The following RANBP2 variants were observed in gnomAD, a reference collection of about 807,000 sequenced individuals.
The protein encoded by RANBP2 is E3 SUMO-protein ligase RanBP2.
Under a neutral mutation model 303.6 loss-of-function variants are expected in RANBP2, and 57 were observed. The observed-to-expected ratio is 0.19, with a 90% CI of 0.15 to 0.23. The LOEUF (loss-of-function observed/expected upper bound fraction) is 0.23, where lower values mean the gene tolerates loss of function less well. RANBP2 is among the 10% of genes least tolerant of loss of function. The probability of loss-of-function intolerance (pLI) is 1.00; values close to 1 mark genes in which losing one functional copy is unlikely to be tolerated. For missense variants in RANBP2, 3,138 were observed against 3,780.8 expected (o/e 0.83, Z 4.46); for synonymous variants, 1,167 against 1,301.5 (o/e 0.90, Z 2.23).
chr2:109,151,576 A>G, the RANBP2 span, among the ~76,000 whole-genome samples: 1 of 152,268 alleles, frequency 6.6e-6, no homozygotes, highest in African/African-American at 2.4e-5. Flanking sequence ...GCATGTAGTT[A>G]CTATGAAAAC....
At chr2:109,573,103 C>G in the RANBP2 span, among the ~76,000 whole-genome samples, 1 of 152,122 alleles carries the variant, frequency 6.6e-6, no homozygotes, top group Non-Finnish European at 1.5e-5. Flanking sequence ...ATTTGCTAAA[C>G]CCTCTATTTA....
At chr2:109,578,047 A>T in the RANBP2 span, among the ~76,000 whole-genome samples, 5 of 152,124 alleles carry the variant, frequency 3.3e-5, no homozygotes, top group Non-Finnish European at 7.3e-5. Flanking sequence ...ACTCATCTTC[A>T]ACTTTAAGTG....
the RANBP2 span, among the ~76,000 whole-genome samples, chr2:109,003,830 G>GCT: frequency 6.6e-6 from 1 of 152,206 alleles, no homozygotes; most frequent in Non-Finnish European, 1.5e-5. Context: ...TCGGCAGGCA[G>GCT]CTCTCAGGGT....
chr2:109,281,406 C>G, the RANBP2 span, among the ~76,000 whole-genome samples: 8 of 152,222 alleles, frequency 5.3e-5, no homozygotes, highest in Admixed American at 5.2e-4. Flanking sequence ...GCCGATGTGA[C>G]AGTCTCAGAG....
chr2:109,368,956 G>C, the RANBP2 span, among the ~76,000 whole-genome samples: 1 of 152,092 alleles, frequency 6.6e-6, no homozygotes, highest in South Asian at 2.1e-4. Flanking sequence ...TGGTGAGCTT[G>C]AGAGGCAAGT....
the RANBP2 span, among the ~76,000 whole-genome samples, chr2:109,539,769 G>C: frequency 6.6e-6 from 1 of 152,168 alleles, no homozygotes; most frequent in South Asian, 2.1e-4. Flanking sequence ...CTGTAGTTTT[G>C]CTTTGGAAAA....
the RANBP2 span, among the ~76,000 whole-genome samples, chr2:109,194,603 C>T: frequency 1.3e-5 from 2 of 152,180 alleles, no homozygotes; most frequent in Non-Finnish European, 2.9e-5. Context: ...AGGGCAGGCA[C>T]ATATGCACAC....
the RANBP2 span, among the ~76,000 whole-genome samples, chr2:109,708,139 C>T: frequency 3.9e-5 from 6 of 152,260 alleles, no homozygotes; most frequent in African/African-American, 1.2e-4. Flanking sequence ...GGGAGCATCA[C>T]TTGAGCCTAG....
At chr2:109,732,874 A>T in the RANBP2 span, 4 of 1,192,792 alleles carry the variant, frequency 3.4e-6, no homozygotes, top group Non-Finnish European at 4.9e-6. Flanking sequence ...CCCGAGATGC[A>T]GCAGGTGTGG....
the RANBP2 span, among the ~76,000 whole-genome samples, chr2:108,799,293 T>C: frequency 0.8 from 121,456 of 151,710 alleles, 48,885 homozygotes; most frequent in East Asian, 0.95. Context: ...TGCTTCATAT[T>C]AAGATATATT....
chr2:108,829,843 C>T, the RANBP2 span, among the ~76,000 whole-genome samples: 13 of 152,270 alleles, frequency 8.5e-5, no homozygotes, highest in African/African-American at 2.9e-4. Flanking sequence ...ATGTAAAATG[C>T]AGCTGCTGTG....
the RANBP2 span, among the ~76,000 whole-genome samples, chr2:109,135,413 A>G: frequency 5.3e-5 from 8 of 152,184 alleles, no homozygotes; most frequent in African/African-American, 7.2e-5. Flanking sequence ...CAAATGGGCT[A>G]GCTTTCCTGA....
chr2:108,822,673 A>G, the RANBP2 span, among the ~76,000 whole-genome samples: 1 of 152,240 alleles, frequency 6.6e-6, no homozygotes, highest in African/African-American at 2.4e-5. Context: ...ATATGTGAAA[A>G]TTTAAAAACT....
chr2:109,718,534 TAGTTGCTC>T, the RANBP2 span, among the ~76,000 whole-genome samples: 4 of 152,116 alleles, frequency 2.6e-5, no homozygotes, highest in Non-Finnish European at 5.9e-5. Flanking sequence ...AGTAGATTTG[TAGTTGCTC>T]AGGGTTGGGA....
chr2:108,824,701 A>G, the RANBP2 span, among the ~76,000 whole-genome samples: 1 of 152,250 alleles, frequency 6.6e-6, no homozygotes, highest in Non-Finnish European at 1.5e-5. Flanking sequence ...ATCTTTATCA[A>G]GTAGTATGTA....
the RANBP2 span, among the ~76,000 whole-genome samples, chr2:109,761,336 G>T: frequency 6.6e-6 from 1 of 151,102 alleles, no homozygotes; most frequent in Non-Finnish European, 1.5e-5. Flanking sequence ...TCTCCGTGCC[G>T]GTATTCCAGA....
At chr2:108,940,157 G>A in the RANBP2 span, 5 of 152,398 alleles carry the variant, frequency 3.3e-5, no homozygotes, top group East Asian at 9.6e-4. Flanking sequence ...AAATAGCACA[G>A]AGCTGCCGCA....
chr2:109,026,964 C>T, the RANBP2 span, among the ~76,000 whole-genome samples: 1 of 152,164 alleles, frequency 6.6e-6, no homozygotes, highest in Non-Finnish European at 1.5e-5. Context: ...AAGACATTGG[C>T]CGGGTGTGGT....
At chr2:108,872,926 C>A in the RANBP2 span, among the ~76,000 whole-genome samples, 1 of 152,136 alleles carries the variant, frequency 6.6e-6, no homozygotes, top group African/African-American at 2.4e-5. Flanking sequence ...TCCAGAGTCT[C>A]ATCTAAATTA....
Sources: gnomAD v4.1 joint callset for allele counts (sites outside exome capture counted in the v4.1 genomes callset) on GRCh38, gnomAD v4.1.1 for gene constraint, MANE v1.5 for transcripts, NCBI Gene and HGNC (gene_info 2026-07-23, HGNC 2026-07-21) for gene names.